DGKI: variants seen among roughly 807,000 people sequenced by gnomAD.
DGKI encodes diacylglycerol kinase iota.
DGKI carries 55 observed loss-of-function variants against 147.5 expected under a neutral mutation model. The observed-to-expected ratio is 0.37, with a 90% CI of 0.30 to 0.47. The LOEUF is 0.47. Among genes scored for constraint, DGKI ranks in the 20% least tolerant of loss-of-function variants. DGKI has a pLI of 1.00. For missense variants in DGKI, 1,007 were observed against 1,323.8 expected, an observed-to-expected ratio of 0.76 and a Z score of 3.71; for synonymous variants, 469 against 477.1, an observed-to-expected ratio of 0.98 and a Z score of 0.22.
rs541256485 is a variant in DGKI, at chr7:137,527,487, G to C, written c.2148-5521C>G. On this transcript the variant is annotated intron_variant, in intron 20 of 32. Coordinates refer to ENST00000614521, the MANE Select transcript of DGKI (RefSeq NM_001321708.2). ...ATGCAAGTAGGGATGGTGAATGTTT[G>C]CAAGTTTTTTTTTACTTTTTAAAGA... Among the ~76,000 whole-genome samples, 536 of 152,036 alleles carry C rather than the reference G, an allele frequency of 3.5e-3. 3 individuals carry two copies. Among genetic ancestry groups the C allele is most frequent in the South Asian group, 0.024 (116 of 4,822 alleles).
chr7:137,734,796 C>A (rs1411164930), intron 1 of DGKI, among the ~76,000 whole-genome samples: 2 of 152,116 alleles, frequency 1.3e-5, no homozygotes, highest in African/African-American at 4.8e-5. Flanking sequence ...AATGAATTCA[C>A]AATGAGAGAC....
At chr7:137,746,280 T>C (rs1358649115) in intron 1 of DGKI, among the ~76,000 whole-genome samples, 1 of 152,118 alleles carries the variant, frequency 6.6e-6, no homozygotes, top group Non-Finnish European at 1.5e-5. Flanking sequence ...ACCTAGAATA[T>C]CAAGAGAGAG....
intron 10 of DGKI, among the ~76,000 whole-genome samples, chr7:137,606,485 T>C (rs980093908): frequency 3.9e-5 from 6 of 152,148 alleles, no homozygotes; most frequent in East Asian, 1.9e-4. Context: ...CTGCTAACCA[T>C]AGTATGGTTC....
rs199664528 is a variant in DGKI at position 137,585,199 on chromosome 7, A to G, written c.1563+10T>C. 10 of 1,613,674 alleles carry G rather than the reference A, an allele frequency of 6.2e-6. No homozygotes were observed. In the East Asian group the frequency reaches 2.0e-4, roughly 32 times the overall value. Reference sequence around the variant, plus strand: ...AGGGCTCCTTTCTGCAGAACAAAAAACTCTCTAACCTTACATACGCCATCT... The same window carrying G: ...AGGGCTCCTTTCTGCAGAACAAAAAGCTCTCTAACCTTACATACGCCATCT... On this transcript the variant is annotated intron_variant, in intron 14 of 32. Coordinates refer to ENST00000614521, the MANE Select transcript of DGKI (RefSeq NM_001321708.2).
chr7:137,813,293 T>C (rs1797646710), intron 1 of DGKI, among the ~76,000 whole-genome samples: 1 of 152,206 alleles, frequency 6.6e-6, no homozygotes, highest in Non-Finnish European at 1.5e-5. Flanking sequence ...AACTCCTGAC[T>C]TGGCCTCTGA....
chr7:137,397,290 C>A, intron 31 of DGKI, 87 bp downstream of exon 31: 1 of 1,251,846 alleles, frequency 8.0e-7, no homozygotes, highest in South Asian at 1.4e-5. Context: ...TTAAAATTAC[C>A]TATGATATGC....
At chr7:137,595,543 G>A (rs1421680552) in intron 12 of DGKI, among the ~76,000 whole-genome samples, 1 of 152,018 alleles carries the variant, frequency 6.6e-6, no homozygotes, top group Non-Finnish European at 1.5e-5. Context: ...TTGGACTTTG[G>A]CTCCGGACCC....
In DGKI at chr7:137,391,012, C is replaced by T; in HGVS notation, c.*208G>A. The T allele has an allele frequency of 1.8e-6, 1 of 565,320 alleles. No homozygotes were observed. Among genetic ancestry groups the T allele is most frequent in the Non-Finnish European group, 3.1e-6 (1 of 319,032 alleles). The allele number at this position is 565,320 out of a possible 1,614,324, so 35.0% of individuals were successfully genotyped here. ...ACTCGTACTGTATTCCACAAATCTC[C>T]AGGTATCCTGCCTCCTTCTCAATGG... On this transcript the variant is annotated 3_prime_UTR_variant, in exon 33 of 33. Coordinates refer to ENST00000614521, the MANE Select transcript of DGKI (RefSeq NM_001321708.2).
At chr7:137,806,750 G>T (rs1483879943) in intron 1 of DGKI, among the ~76,000 whole-genome samples, 1 of 152,138 alleles carries the variant, frequency 6.6e-6, no homozygotes, top group Admixed American at 6.6e-5. Flanking sequence ...CTGCATCTAT[G>T]CTCAGGACTA....
chr7:137,457,304 A>C (rs1191923259), intron 27 of DGKI, among the ~76,000 whole-genome samples: 1 of 152,196 alleles, frequency 6.6e-6, no homozygotes, highest in Non-Finnish European at 1.5e-5. Context: ...TAAGAAGATT[A>C]ATTTTCTCCC....
intron 1 of DGKI, among the ~76,000 whole-genome samples, chr7:137,744,573 T>C (rs1384744712): frequency 1.3e-5 from 2 of 152,100 alleles, no homozygotes; most frequent in Non-Finnish European, 2.9e-5. Context: ...TACCAAAATC[T>C]GATAAAGACA....
chr7:137,605,380 A>AAAATAAAATAAAAT (rs1563108336), intron 10 of DGKI, among the ~76,000 whole-genome samples: 28 of 128,764 alleles, frequency 2.2e-4, no homozygotes, highest in African/African-American at 8.6e-4. Context: ...TAAAATAAAA[A>AAAATAAAATAAAAT]AAGTTGAAAT....
rs1005747319 is a variant in DGKI, at chr7:137,385,978, A to C, written c.*5242T>G. On this transcript the variant is annotated 3_prime_UTR_variant, in exon 33 of 33. Coordinates refer to ENST00000614521, the MANE Select transcript of DGKI (RefSeq NM_001321708.2). ...ATCCTTAGTATGATGCCTGCCTCAG[A>C]GTGACAAATATTTTTCAAATAATGA... 1 of 152,148 alleles carries C rather than the reference A, an allele frequency of 6.6e-6. No individual in the cohort carries two copies. Among genetic ancestry groups the C allele is most frequent in the Non-Finnish European group, 1.5e-5 (1 of 68,018 alleles). 9.4% of individuals were successfully genotyped at this position (152,148 alleles called of 1,614,324 possible).
At chr7:137,738,934 T>G (rs1795099223) in intron 1 of DGKI, among the ~76,000 whole-genome samples, 1 of 152,168 alleles carries the variant, frequency 6.6e-6, no homozygotes, top group Non-Finnish European at 1.5e-5. Flanking sequence ...CAGGTCTCGT[T>G]GATTTGTGCC....
chr7:137,846,011 C>T lies in DGKI; in HGVS notation c.401+451G>A, dbSNP rs1181994084. Reference sequence around the variant, plus strand: ...TGTCAAGTTAGTGCCAAAGGTTCATCCAGCGAAATCTGGAAGGTGGGGGAA... The same window carrying T: ...TGTCAAGTTAGTGCCAAAGGTTCATTCAGCGAAATCTGGAAGGTGGGGGAA... On this transcript the variant is annotated intron_variant, in intron 1 of 32. Coordinates refer to ENST00000614521, the MANE Select transcript of DGKI (RefSeq NM_001321708.2). This position sits in a 1 kb window ranked among gnomAD's most constrained non-coding sequence, Gnocchi z 4.0. 6.6e-6 allele frequency among the ~76,000 whole-genome samples: 1 copy of T among 152,120 alleles called. No homozygotes were observed. The highest frequency in any genetic ancestry group is 1.5e-5 in the Non-Finnish European group (1 of 68,018).
intron 1 of DGKI, chr7:137,843,474 G>C (rs1347900516): frequency 1.0e-6 from 1 of 978,490 alleles, no homozygotes; most frequent in Non-Finnish European, 1.2e-6. Context: ...TGAAATAAAG[G>C]AAAAAATTCT....
At chr7:137,726,920 T>C (rs1447969805) in intron 1 of DGKI, among the ~76,000 whole-genome samples, 1 of 152,190 alleles carries the variant, frequency 6.6e-6, no homozygotes, top group East Asian at 1.9e-4. Flanking sequence ...TAGTATCAAC[T>C]CACTACTATG....
rs1190871120 is a variant in DGKI at position 137,381,288 on chromosome 7, ACCCCCCC to A, written c.*9925_*9931del. Reference sequence around the variant, plus strand: ...ACTTCATTCTTCCCTTTCCCATCCCACCCCCCCCCCCCCACCCACCCTCCCTCCACTT... The same window carrying A: ...ACTTCATTCTTCCCTTTCCCATCCCACCCCCCACCCACCCTCCCTCCACTT... On this transcript the variant is annotated 3_prime_UTR_variant, in exon 33 of 33. Coordinates refer to ENST00000614521, the MANE Select transcript of DGKI (RefSeq NM_001321708.2). 1 of 9,102 alleles carries A rather than the reference ACCCCCCC, an allele frequency of 1.1e-4. No homozygotes were observed. Among genetic ancestry groups the A allele is most frequent in the Non-Finnish European group, 2.2e-4 (1 of 4,446 alleles). 0.6% of individuals were successfully genotyped at this position (9,102 alleles called of 1,614,324 possible).
At chr7:137,408,790 T>C (rs961032587) in intron 29 of DGKI, among the ~76,000 whole-genome samples, 1 of 152,198 alleles carries the variant, frequency 6.6e-6, no homozygotes, top group African/African-American at 2.4e-5. Context: ...TTATAAAATA[T>C]TGAACATTAC....
Sources: gnomAD v4.1 joint callset for allele counts (sites outside exome capture counted in the v4.1 genomes callset) on GRCh38, gnomAD v4.1.1 for gene constraint, Gnocchi (gnomAD v3.1) non-coding constraint, MANE v1.5 for transcripts, NCBI Gene and HGNC (gene_info 2026-07-23, HGNC 2026-07-21) for gene names.